The following CORO1A variants were observed in gnomAD, a reference collection of about 807,000 sequenced individuals.
CORO1A encodes coronin-1A.
In CORO1A, 17 loss-of-function variants were observed where a neutral mutation model predicts 44.1. The observed-to-expected ratio is 0.39, with a 90% CI of 0.26 to 0.58. CORO1A has a LOEUF of 0.58. Ranked by LOEUF, CORO1A falls within the 20% of genes least tolerant of loss-of-function variation. The pLI is 0.62. For missense variants in CORO1A, 415 were observed against 606.5 expected, an observed-to-expected ratio of 0.68 and a Z score of 3.32; for synonymous variants, 271 against 244.2, an observed-to-expected ratio of 1.11 and a Z score of -1.02.
Position 30,187,971 on chromosome 16 carries a change from C to G in CORO1A, c.891C>G (p.Ile297Met). ...ACAGCTCAATCCGGTACTTTGAGATCACTTCCGAGGCCCCTTTCCTGCACT... is the reference window on the plus strand; with the variant it reads ...ACAGCTCAATCCGGTACTTTGAGATGACTTCCGAGGCCCCTTTCCTGCACT... ...KGDSSIRYFE[I>M]TSEAPFLHYL... Residue 297 changes from isoleucine to methionine, a missense_variant, in exon 8 of 11, where the codon ATC becomes ATG. Physicochemically the swap from Ile to Met is conservative, Grantham distance 10 (BLOSUM62 1). This residue lies in a region of CORO1A where 325 missense variants were observed against 521.7 expected (regional missense o/e 0.62). Coordinates refer to ENST00000219150, the MANE Select transcript of CORO1A (RefSeq NM_007074.4). 6 of 1,614,078 alleles carry G rather than the reference C, an allele frequency of 3.7e-6. No homozygotes were observed. The highest frequency in any genetic ancestry group is 5.1e-6 in the Non-Finnish European group (6 of 1,180,018).
chr16:30,187,310 C>T, intron 5 of CORO1A, 72 bp from the exon 6 acceptor site: 1 of 1,605,394 alleles, frequency 6.2e-7, no homozygotes, highest in Non-Finnish European at 8.5e-7. Flanking sequence ...GCTGCCCTCC[C>T]TCGCCTCCAC....
chr16:30,186,453 A>ACCCGCC (rs1172938502), intron 2 of CORO1A, 145 bp from the exon 3 acceptor site: 2 of 945,212 alleles, frequency 2.1e-6, no homozygotes, highest in Admixed American at 3.8e-5. Context: ...GAGAAGAACA[A>ACCCGCC]CCCGCCCCCG....
In CORO1A at chr16:30,187,161, TG is replaced by T; in HGVS notation, c.575del (p.Cys192LeufsTer20). ...VDWSRDGGLI[C>X]TSCRDKRVRI... ...CTGGAGCCGAGATGGAGGCCTCATT[TG>T]TACCTCCTGCCGTGACAAGCGCGTG... On this transcript the variant is annotated frameshift_variant, in exon 5 of 11. Coordinates refer to ENST00000219150, the MANE Select transcript of CORO1A (RefSeq NM_007074.4). LOFTEE classifies it high-confidence loss of function. The T allele has an allele frequency of 6.2e-7, 1 of 1,614,034 alleles. No individual in the cohort carries two copies. The highest frequency in any genetic ancestry group is 8.5e-7 in the Non-Finnish European group (1 of 1,180,016).
chr16:30,186,315 C>T, intron 2 of CORO1A: 1 of 460,568 alleles, frequency 2.2e-6, no homozygotes, highest in Admixed American at 3.4e-5. Context: ...GGTGCCAACC[C>T]TAAGGGCAGA....
chr16:30,183,747 G>C lies in CORO1A; in HGVS notation c.-2+22G>C, dbSNP rs1162960503. ...GCAGGTGAGGCTGGGCCTGGGAGGCGCGGGTGGGCCGGGGCGAGGGCCACC... is the reference window on the plus strand; with the variant it reads ...GCAGGTGAGGCTGGGCCTGGGAGGCCCGGGTGGGCCGGGGCGAGGGCCACC... On this transcript the variant is annotated intron_variant, in intron 1 of 10. Coordinates refer to ENST00000219150, the MANE Select transcript of CORO1A (RefSeq NM_007074.4). This position sits in a 1 kb window ranked among gnomAD's most constrained non-coding sequence, Gnocchi z 5.0. The C allele has an allele frequency of 6.6e-6, 1 of 152,116 alleles. No homozygotes were observed. The highest frequency in any genetic ancestry group is 1.9e-4 in the East Asian group (1 of 5,186). The allele number at this position is 152,116 out of a possible 1,614,324, so 9.4% of individuals were successfully genotyped here.
rs575738840 is a variant in CORO1A at position 30,188,210 on chromosome 16, G to A, written c.1026G>A (p.Glu342=). 4 of 1,614,134 alleles carry A rather than the reference G, an allele frequency of 2.5e-6. No individual in the cohort carries two copies. The highest frequency in any genetic ancestry group is 2.2e-5 in the East Asian group (1 of 44,878). Residue 342 remains glutamate, a synonymous_variant, in exon 9 of 11, where the codon GAG becomes GAA. Transcript: ENST00000219150. ...CCCACAGGTTCTACAAGCTGCACGA[G>A]CGGAGGTGTGAGCCCATTGCCATGA... ...CEIARFYKLH[E]RRCEPIAMTV...
chr16:30,185,342 A>G lies in CORO1A; in HGVS notation c.133A>G (p.Lys45Glu). The change falls in exon 2 of 11, where the codon AAG becomes GAG. Residue 45 changes from lysine to glutamate, a missense_variant. Around this residue, in one of 2 missense-constraint regions of CORO1A, gnomAD observed 325 missense variants for 521.7 expected, o/e 0.62. Transcript: ENST00000219150. The part of the protein sequence containing the change: ...WDSGFCAVNP[K>E]FVALICEASG... ...CAGTGGCTTCTGTGCTGTCAACCCT[A>G]AGTTTGTGGCCCTGATCTGTGAGGC... 2 of 1,614,008 alleles carry G rather than the reference A, an allele frequency of 1.2e-6. No individual in the cohort carries two copies. Among genetic ancestry groups the G allele is most frequent in the Non-Finnish European group, 1.7e-6 (2 of 1,179,986 alleles).
Position 30,187,199 on chromosome 16 carries a change from G to A in CORO1A, c.612G>A (p.Glu204=). Residue 204 remains glutamate (E), a synonymous_variant, in exon 5 of 11, where the codon GAG becomes GAA. Coordinates refer to ENST00000219150, the MANE Select transcript of CORO1A (RefSeq NM_007074.4). ...SCRDKRVRII[E]PRKGTVVAEK... is the part of the protein sequence containing the mutation. ...GTGACAAGCGCGTGCGCATCATCGA[G>A]CCCCGCAAAGGCACTGTCGTAGCTG... The A allele has an allele frequency of 2.5e-6, 4 of 1,613,136 alleles. No homozygotes were observed. The highest frequency in any genetic ancestry group is 3.4e-6 in the Non-Finnish European group (4 of 1,180,014).
At chr16:30,188,154 C>G in intron 8 of CORO1A, 38 bp from the exon 9 acceptor site, 2 of 1,613,668 alleles carry the variant, frequency 1.2e-6, no homozygotes, top group South Asian at 2.2e-5. Flanking sequence ...GCCCACCCAA[C>G]CAGACTGTGG....
In CORO1A at chr16:30,186,683, A is replaced by G. The variant is rs1381662291; in HGVS notation, c.284A>G (p.Asn95Ser). 6.2e-7 allele frequency: 1 copy of G among 1,613,000 alleles called. No homozygotes were observed. The highest frequency in any genetic ancestry group is 8.5e-7 in the Non-Finnish European group (1 of 1,179,806). Residue 95 changes from asparagine (N) to serine (S), a missense_variant, in exon 3 of 11, where the codon AAC (asparagine) becomes AGC (serine). This residue lies in a region of CORO1A where 325 missense variants were observed against 521.7 expected (regional missense o/e 0.62). Transcript: ENST00000219150. ...ATCGCCTGGTGCCCGCACAATGACA[A>G]CGTCATTGCCAGTGGCTCCGAGGAC... ...LDIAWCPHND[N>S]VIASGSEDCT...
chr16:30,188,310 G>T, intron 9 of CORO1A, 51 bp from the exon 10 acceptor site: 1 of 1,612,032 alleles, frequency 6.2e-7, no homozygotes, highest in Non-Finnish European at 8.5e-7. Context: ...GGTCTTGTGG[G>T]GGGTGTCCTG....
Position 30,188,258 on chromosome 16 carries a change from C to CCCCCA in CORO1A, c.1065+13_1065+14insACCCC, listed in dbSNP as rs1277408549. 6.2e-7 allele frequency: 1 copy of CCCCCA among 1,613,452 alleles called. No individual in the cohort carries two copies. Among genetic ancestry groups the CCCCCA allele is most frequent in the Non-Finnish European group, 8.5e-7 (1 of 1,179,606 alleles). On this transcript the variant is annotated intron_variant, in intron 9 of 10. Transcript: ENST00000219150. ...TGACAGTGCCTCGAAAGGTGATGCT[C>CCCCCA]CCCCGCCCCACCCTGGGCTCCAGGC...
intron 2 of CORO1A, chr16:30,185,662 A>T: frequency 1.8e-6 from 1 of 560,500 alleles, no homozygotes; most frequent in East Asian, 3.0e-5. Flanking sequence ...CAGACCCATG[A>T]TCAGCCCTCC....
In CORO1A at chr16:30,188,509, G is replaced by T. The variant is rs369828613; in HGVS notation, c.1214G>T (p.Arg405Met). The T allele has an allele frequency of 2.2e-5, 36 of 1,612,896 alleles. No individual in the cohort carries two copies. The highest frequency in any genetic ancestry group is 3.1e-5 in the Non-Finnish European group (36 of 1,179,940). Reference sequence around the variant, plus strand: ...GTACCCCCAAAGAGCCGGGAGCTGAGGGTCAACCGGGGCCTGGACACCGGG... The same window carrying T: ...GTACCCCCAAAGAGCCGGGAGCTGATGGTCAACCGGGGCCTGGACACCGGG... ...GYVPPKSREL[R>M]VNRGLDTGRR... Residue 405 changes from arginine (R) to methionine (M), a missense_variant, in exon 10 of 11, where the codon AGG (arginine) becomes ATG (methionine). By Grantham distance (91) the Arg-to-Met change is moderately conservative (BLOSUM62 -1). Coordinates refer to ENST00000219150, the MANE Select transcript of CORO1A (RefSeq NM_007074.4).
At chr16:30,186,452 A>T in intron 2 of CORO1A, 146 bp from the exon 3 acceptor site, 1 of 944,728 alleles carries the variant, frequency 1.1e-6, no homozygotes, top group Non-Finnish European at 1.7e-6. Context: ...AGAGAAGAAC[A>T]ACCCGCCCCC....
rs2073346143 is a variant in CORO1A at position 30,187,075 on chromosome 16, C to G, written c.488C>G (p.Thr163Ser). 2 of 1,614,070 alleles carry G rather than the reference C, an allele frequency of 1.2e-6. No individual in the cohort carries two copies. Among genetic ancestry groups the G allele is most frequent in the East Asian group, 4.5e-5 (2 of 44,886 alleles). The change falls in exon 5 of 11, where the codon ACT (threonine) becomes AGT (serine). Residue 163 changes from threonine to serine, a missense_variant. Around this residue, in one of 2 missense-constraint regions of CORO1A, gnomAD observed 325 missense variants for 521.7 expected, o/e 0.62. Coordinates refer to ENST00000219150, the MANE Select transcript of CORO1A (RefSeq NM_007074.4). Reference sequence around the variant, plus strand: ...GTGATCATGGTGTGGGACGTGGGCACTGGGGCGGCCATGCTGACACTGGGC... The same window carrying G: ...GTGATCATGGTGTGGGACGTGGGCAGTGGGGCGGCCATGCTGACACTGGGC... ...DNVIMVWDVG[T>S]GAAMLTLGPE... is the part of the protein sequence containing the mutation.
In CORO1A at chr16:30,183,777, G is replaced by A. The variant is rs947999255; in HGVS notation, c.-2+52G>A. 2.0e-5 allele frequency: 3 copies of A among 151,726 alleles called. No homozygotes were observed. Among genetic ancestry groups the A allele is most frequent in the Non-Finnish European group, 2.9e-5 (2 of 67,926 alleles). The allele number at this position is 151,726 out of a possible 1,614,324, so 9.4% of individuals were successfully genotyped here. ...TGGGCCGGGGCGAGGGCCACCTGTG[G>A]GGCGGCGCGCGCGTGGGAGCCGCGG... On this transcript the variant is annotated intron_variant, in intron 1 of 10. Coordinates refer to ENST00000219150, the MANE Select transcript of CORO1A (RefSeq NM_007074.4). This position sits in a 1 kb window ranked among gnomAD's most constrained non-coding sequence, Gnocchi z 5.0.
intron 1 of CORO1A, 142 bp from the exon 2 acceptor site, chr16:30,185,065 CCA>C (rs2073317962): frequency 2.5e-6 from 2 of 799,810 alleles, no homozygotes; most frequent in Non-Finnish European, 2.1e-6. Flanking sequence ...CAGGCATCAG[CCA>C]CAGAGGGAAG....
Position 30,189,020 on chromosome 16 carries a change from A to C in CORO1A, c.*56A>C. ...ATTCACACCCATCCACTCACCTCCC[A>C]TTCCCAGCCACATGGCAGAGAAAAA... On this transcript the variant is annotated 3_prime_UTR_variant, in exon 11 of 11. Coordinates refer to ENST00000219150, the MANE Select transcript of CORO1A (RefSeq NM_007074.4). The C allele has an allele frequency of 6.8e-6, 1 of 147,770 alleles. No individual in the cohort carries two copies. Among genetic ancestry groups the C allele is most frequent in the South Asian group, 3.9e-5 (1 of 25,630 alleles). 9.2% of individuals were successfully genotyped at this position (147,770 alleles called of 1,614,324 possible).
Sources: allele counts gnomAD v4.1 joint callset, GRCh38; gene constraint gnomAD v4.1.1; regional missense constraint gnomAD v4.1.1; non-coding constraint Gnocchi (gnomAD v3.1); transcripts MANE v1.5; gene names NCBI Gene and HGNC (gene_info 2026-07-23, HGNC 2026-07-21).